PTPRM: variants seen among roughly 807,000 people sequenced by gnomAD.
PTPRM encodes the protein receptor-type tyrosine-protein phosphatase mu.
Under a neutral mutation model 186.7 loss-of-function variants are expected in PTPRM, and 47 were observed. The ratio of observed to expected loss-of-function variants is 0.25; its 90% CI spans 0.20 to 0.32. The LOEUF is 0.32. PTPRM is among the 10% of genes least tolerant of loss of function. PTPRM has a pLI of 1.00. For synonymous variants in PTPRM, 668 were observed against 674.9 expected (o/e 0.99, Z 0.16); for missense variants, 1,494 against 1,865.0 (o/e 0.80, Z 3.66).
chr18:7,780,293 C>G (rs1332815769), intron 2 of PTPRM, among the ~76,000 whole-genome samples: 2 of 152,182 alleles, frequency 1.3e-5, no homozygotes, highest in African/African-American at 4.8e-5. Context: ...ACATAGGAAA[C>G]TGAAGTTCAG....
At chr18:7,701,593 G>T (rs898695735) in intron 1 of PTPRM, among the ~76,000 whole-genome samples, 5 of 151,782 alleles carry the variant, frequency 3.3e-5, no homozygotes, top group Admixed American at 6.6e-5. Context: ...AGGGAGACTC[G>T]TCTCAAAAAA....
intron 2 of PTPRM, among the ~76,000 whole-genome samples, chr18:7,844,574 G>A (rs2046501555): frequency 6.6e-6 from 1 of 152,066 alleles, no homozygotes. Flanking sequence ...ACGAGTCACT[G>A]GTTCATAGAA....
At chr18:7,984,944 T>G (rs1298702441) in intron 7 of PTPRM, among the ~76,000 whole-genome samples, 1 of 124,088 alleles carries the variant, frequency 8.1e-6, no homozygotes, top group African/African-American at 3.3e-5. Flanking sequence ...TATACATATA[T>G]ATACATATAT....
chr18:8,041,722 ATTGTGGCAC>A (rs2086704392), intron 7 of PTPRM, among the ~76,000 whole-genome samples: 1 of 152,222 alleles, frequency 6.6e-6, no homozygotes, highest in Non-Finnish European at 1.5e-5. Context: ...TTACATCTGT[ATTGTGGCAC>A]CTAGGGTGCA....
intron 31 of PTPRM, among the ~76,000 whole-genome samples, chr18:8,387,834 G>A (rs764414659): frequency 3.3e-5 from 5 of 151,998 alleles, no homozygotes; most frequent in Non-Finnish European, 7.4e-5. Context: ...AGTGTCCCCA[G>A]AATGAGGCTT....
intron 2 of PTPRM, among the ~76,000 whole-genome samples, chr18:7,883,933 G>A (rs990737739): frequency 1.3e-5 from 2 of 152,104 alleles, no homozygotes; most frequent in African/African-American, 4.8e-5. Context: ...TTTAATCTTG[G>A]AGTTAGAGAC....
At chr18:8,350,040 G>A (rs546558548) in intron 23 of PTPRM, among the ~76,000 whole-genome samples, 3 of 152,278 alleles carry the variant, frequency 2.0e-5, no homozygotes, top group Non-Finnish European at 2.9e-5. Flanking sequence ...AGGGCCTGTC[G>A]GGGCAAATCC....
intron 7 of PTPRM, among the ~76,000 whole-genome samples, chr18:7,964,382 A>T (rs908605558): frequency 9.2e-5 from 14 of 152,014 alleles, no homozygotes; most frequent in Admixed American, 3.3e-4. Flanking sequence ...ATAGCTAAAA[A>T]CTCTCAACAA....
chr18:8,398,046 C>G (rs1256491796), intron 32 of PTPRM, among the ~76,000 whole-genome samples: 2 of 152,226 alleles, frequency 1.3e-5, no homozygotes, highest in African/African-American at 2.4e-5. Flanking sequence ...GATCATAGCT[C>G]ACTGCAGCCT....
chr18:7,593,424 C>T (rs186065243), intron 1 of PTPRM, among the ~76,000 whole-genome samples: 1 of 152,288 alleles, frequency 6.6e-6, no homozygotes, highest in Non-Finnish European at 1.5e-5. Context: ...AGATTTGCAT[C>T]CCACATAAAT....
Position 8,069,874 on chromosome 18 carries a change from C to T in PTPRM, c.1321C>T (p.His441Tyr), listed in dbSNP as rs2089352254. 6.2e-7 allele frequency: 1 copy of T among 1,613,762 alleles called. No homozygotes were observed. Among genetic ancestry groups the T allele is most frequent in the Admixed American group, 1.7e-5 (1 of 59,984 alleles). ...AGTAAGCTGGGATACAGAAAACTCA[C>T]ACCCTCAACACACGATCACTAACCT... ...EEVSWDTENS[H>Y]PQHTITNLSP... Residue 441 changes from histidine to tyrosine, a missense_variant, in exon 8 of 33, where the codon CAC (histidine) becomes TAC (tyrosine). By Grantham distance (83) the His-to-Tyr change is moderately conservative. Coordinates refer to ENST00000580170, the MANE Select transcript of PTPRM (RefSeq NM_001105244.2).
intron 14 of PTPRM, among the ~76,000 whole-genome samples, chr18:8,240,482 GGA>G (rs143950976): frequency 0.13 from 3,340 of 25,852 alleles, 662 homozygotes; most frequent in Non-Finnish European, 0.18. Flanking sequence ...AGGGAGGGGA[GGA>G]GAGAGAGAGA....
In PTPRM at chr18:8,225,587, G is replaced by A. The variant is rs368062635; in HGVS notation, c.2301-18471G>A. ...GGGAGCTCATTGAAGTGGGTCAGCC[G>A]TTGCTTCTAGGCTCACATCAGCCAC... is the stretch of plus-strand genomic sequence containing the variant. On this transcript the variant is annotated intron_variant, in intron 14 of 32. Transcript: ENST00000580170. Among the ~76,000 whole-genome samples, 20 of 152,254 alleles carry A rather than the reference G, an allele frequency of 1.3e-4. No homozygotes were observed. In the South Asian group the frequency reaches 2.1e-3, roughly 16 times the overall value.
At chr18:7,745,947 T>G (rs573191096) in intron 1 of PTPRM, among the ~76,000 whole-genome samples, 17 of 152,092 alleles carry the variant, frequency 1.1e-4, no homozygotes, top group African/African-American at 3.4e-4. Flanking sequence ...ATATCCAAAC[T>G]GAGTCAAAGA....
At chr18:7,972,479 T>TAAAAA (rs11445031) in intron 7 of PTPRM, among the ~76,000 whole-genome samples, 2 of 44,364 alleles carry the variant, frequency 4.5e-5, no homozygotes, top group African/African-American at 1.2e-4. Context: ...AAAAAAACAT[T>TAAAAA]AAAAAAAAAA....
chr18:8,118,925 T>G (rs1295853160), intron 13 of PTPRM, among the ~76,000 whole-genome samples: 2 of 151,070 alleles, frequency 1.3e-5, no homozygotes, highest in Non-Finnish European at 2.9e-5. Flanking sequence ...TCTTCCAGGG[T>G]GGCCCAGGGA....
intron 2 of PTPRM, among the ~76,000 whole-genome samples, chr18:7,783,318 C>T (rs909647177): frequency 6.6e-6 from 1 of 152,112 alleles, no homozygotes; most frequent in African/African-American, 2.4e-5. Flanking sequence ...GTGAGGGACT[C>T]ATGCTGGGCA....
At chr18:8,147,112 A>G (rs1325039525) in intron 14 of PTPRM, among the ~76,000 whole-genome samples, 1 of 152,026 alleles carries the variant, frequency 6.6e-6, no homozygotes, top group Non-Finnish European at 1.5e-5. Flanking sequence ...CTTTTTACTT[A>G]GATTGTCTTG....
At chr18:7,939,834 A>G (rs34580701) in intron 5 of PTPRM, among the ~76,000 whole-genome samples, 21,491 of 152,170 alleles carry the variant, frequency 0.14, 1,791 homozygotes, top group Non-Finnish European at 0.19. Flanking sequence ...CTGTCACGCT[A>G]TTAAGAATGT....
Sources: gnomAD v4.1 joint callset for allele counts (sites outside exome capture counted in the v4.1 genomes callset) on GRCh38, gnomAD v4.1.1 for gene constraint, MANE v1.5 for transcripts, NCBI Gene and HGNC (gene_info 2026-07-23, HGNC 2026-07-21) for gene names.